PRKACB: variants seen among roughly 807,000 people sequenced by gnomAD.
The protein encoded by PRKACB is protein kinase cAMP-activated catalytic subunit beta.
PRKACB carries 16 observed loss-of-function variants against 51.4 expected under a neutral mutation model. The observed-to-expected ratio is 0.31, with a 90% CI of 0.21 to 0.47. The LOEUF is 0.47. Ranked by LOEUF, PRKACB falls within the 20% of genes least tolerant of loss-of-function variation. The pLI is 1.00. For missense variants in PRKACB, 309 were observed against 464.5 expected, an observed-to-expected ratio of 0.67 and a Z score of 3.08; for synonymous variants, 147 against 154.4, an observed-to-expected ratio of 0.95 and a Z score of 0.35.
intron 6 of PRKACB, among the ~76,000 whole-genome samples, chr1:84,197,516 C>T (rs190663385): frequency 6.6e-6 from 1 of 151,466 alleles, no homozygotes; most frequent in African/African-American, 2.4e-5. Context: ...TTAATTTGTT[C>T]CTTTTCTTTG....
At chr1:84,095,004 C>G (rs976980251) in intron 1 of PRKACB, among the ~76,000 whole-genome samples, 1 of 151,892 alleles carries the variant, frequency 6.6e-6, no homozygotes, top group Non-Finnish European at 1.5e-5. Flanking sequence ...TAGTAACATG[C>G]AGTATAGGAT....
rs1401252000 is a variant in PRKACB, at chr1:84,237,684, A to T, written c.*2379A>T. 6.6e-6 allele frequency: 1 copy of T among 152,216 alleles called. No individual in the cohort carries two copies. Among genetic ancestry groups the T allele is most frequent in the African/African-American group, 2.4e-5 (1 of 41,472 alleles). The allele number at this position is 152,216 out of a possible 1,614,324, so 9.4% of individuals were successfully genotyped here. A position where few individuals can be genotyped will look rare whatever the true frequency, so the allele number is the denominator to read the frequency against. On this transcript the variant is annotated 3_prime_UTR_variant, in exon 10 of 10. Coordinates refer to ENST00000370685, the MANE Select transcript of PRKACB (RefSeq NM_182948.4). The stretch of plus-strand genomic sequence containing the variant: ...GCCACAATTTAGCCAAGAATAAGAT[A>T]AAAACTTGAATAAGAAGTAAGTAGC...
chr1:84,079,145 G>A (rs780498243), intron 1 of PRKACB, among the ~76,000 whole-genome samples: 2 of 151,158 alleles, frequency 1.3e-5, no homozygotes, highest in African/African-American at 2.4e-5. Flanking sequence ...TGGCGATAAG[G>A]TGTGTGTGTG....
intron 5 of PRKACB, among the ~76,000 whole-genome samples, chr1:84,187,788 C>T (rs978498613): frequency 6.6e-6 from 1 of 152,082 alleles, no homozygotes; most frequent in Non-Finnish European, 1.5e-5. Flanking sequence ...ACATAGGAAT[C>T]TTGGATTTAA....
chr1:84,082,689 A>T (rs1647644238), intron 1 of PRKACB, among the ~76,000 whole-genome samples: 1 of 152,192 alleles, frequency 6.6e-6, no homozygotes, highest in Non-Finnish European at 1.5e-5. Context: ...TATGCTGTCC[A>T]CTGTAGTAGC....
At chr1:84,099,137 G>T (rs921843565) in intron 1 of PRKACB, among the ~76,000 whole-genome samples, 1 of 152,004 alleles carries the variant, frequency 6.6e-6, no homozygotes, top group South Asian at 2.1e-4. Context: ...TTCGATGAAT[G>T]TGTATATCTT....
intron 1 of PRKACB, among the ~76,000 whole-genome samples, chr1:84,090,783 GTGAGTCACTTAAA>G (rs1160089927): frequency 2.0e-5 from 3 of 152,158 alleles, no homozygotes; most frequent in African/African-American, 7.2e-5. Flanking sequence ...TGTTTGTTAA[GTGAGTCACTTAAA>G]TGAGTCTGTA....
chr1:84,231,649 A>G (rs1400168575), intron 9 of PRKACB, among the ~76,000 whole-genome samples: 11 of 152,136 alleles, frequency 7.2e-5, no homozygotes, highest in Non-Finnish European at 1.5e-4. Flanking sequence ...TTTAGTCTTC[A>G]GAGAGTGTAT....
chr1:84,096,757 G>A (rs780158367), intron 1 of PRKACB, among the ~76,000 whole-genome samples: 2 of 151,858 alleles, frequency 1.3e-5, no homozygotes, highest in Non-Finnish European at 2.9e-5. Flanking sequence ...GTAAATCTGT[G>A]CAATGAATCA....
In PRKACB at chr1:84,225,715, G is replaced by A. The variant is rs116460737; in HGVS notation, c.1072-9465G>A. Among the ~76,000 whole-genome samples the A allele has an allele frequency of 4.8e-3, 736 of 152,228 alleles. 6 individuals are homozygous for A. Among genetic ancestry groups the A allele is most frequent in the Admixed American group, 0.01 (153 of 15,294 alleles). On this transcript the variant is annotated intron_variant, in intron 9 of 9. Transcript: ENST00000370685. The stretch of plus-strand genomic sequence containing the variant: ...CTATACTTGTCTCAGAATTCACGAG[G>A]GTTGTGGGGATCTTACATGGCTAGG...
At chr1:84,198,472 T>C (rs1017012503) in intron 7 of PRKACB, among the ~76,000 whole-genome samples, 1 of 152,112 alleles carries the variant, frequency 6.6e-6, no homozygotes, top group Non-Finnish European at 1.5e-5. Flanking sequence ...AGACACATGC[T>C]TCACTGGTTC....
chr1:84,233,051 C>T (rs894218511), intron 9 of PRKACB, among the ~76,000 whole-genome samples: 1 of 151,326 alleles, frequency 6.6e-6, no homozygotes, highest in Non-Finnish European at 1.5e-5. Flanking sequence ...GCAACTGGTA[C>T]CGGTTGTTCC....
At chr1:84,153,975 A>G (rs1476172652) in intron 1 of PRKACB, among the ~76,000 whole-genome samples, 1 of 152,116 alleles carries the variant, frequency 6.6e-6, no homozygotes, top group African/African-American at 2.4e-5. Context: ...GTACTAATGT[A>G]TATTCTCACC....
intron 3 of PRKACB, among the ~76,000 whole-genome samples, chr1:84,182,882 A>T (rs1663972421): frequency 1.3e-5 from 2 of 152,036 alleles, no homozygotes; most frequent in Non-Finnish European, 2.9e-5. Flanking sequence ...TTTTGTAACT[A>T]TTACAGAAGT....
chr1:84,180,438 A>G (rs1446819714), intron 2 of PRKACB, among the ~76,000 whole-genome samples: 1 of 151,310 alleles, frequency 6.6e-6, no homozygotes, highest in Non-Finnish European at 1.5e-5. Flanking sequence ...GGAGGGAGGC[A>G]AGGGATAAAA....
chr1:84,131,404 T>A (rs1211682533), intron 1 of PRKACB, among the ~76,000 whole-genome samples: 5 of 151,434 alleles, frequency 3.3e-5, no homozygotes, highest in African/African-American at 1.2e-4. Context: ...TACTGAAATC[T>A]CTAGAACAAC....
At chr1:84,102,261 C>T (rs1038157388) in intron 1 of PRKACB, among the ~76,000 whole-genome samples, 1 of 151,596 alleles carries the variant, frequency 6.6e-6, no homozygotes, top group African/African-American at 2.4e-5. Context: ...GTGTTGGGCA[C>T]CTGTAGTCCC....
intron 1 of PRKACB, among the ~76,000 whole-genome samples, chr1:84,171,057 CTT>C (rs1348334697): frequency 6.6e-6 from 1 of 151,384 alleles, no homozygotes; most frequent in Non-Finnish European, 1.5e-5. Flanking sequence ...TAATAAAAAG[CTT>C]TAAAAAAATC....
intron 1 of PRKACB, among the ~76,000 whole-genome samples, chr1:84,152,399 C>T (rs1654955995): frequency 6.6e-6 from 1 of 152,170 alleles, no homozygotes; most frequent in East Asian, 1.9e-4. Context: ...TCAGCCTGTC[C>T]TTTGAAGCTT....
Sources: gnomAD v4.1 joint callset for allele counts (sites outside exome capture counted in the v4.1 genomes callset) on GRCh38, gnomAD v4.1.1 for gene constraint, MANE v1.5 for transcripts, NCBI Gene and HGNC (gene_info 2026-07-23, HGNC 2026-07-21) for gene names.